The following GIT2 variants were observed in gnomAD, a reference collection of about 807,000 sequenced individuals.
GIT2 encodes GIT ArfGAP 2, also known as ARF GTPase-activating protein GIT2.
In GIT2, 32 loss-of-function variants were observed where a neutral mutation model predicts 100.3. That is an observed-to-expected ratio of 0.32 (90% CI 0.24 to 0.43). The LOEUF is 0.43. GIT2 is among the 20% of genes least tolerant of loss of function. The pLI, the probability that GIT2 is intolerant of heterozygous loss-of-function variation, is 1.00. For synonymous variants in GIT2, 353 were observed against 364.1 expected (o/e 0.97, Z 0.35); for missense variants, 737 against 975.1 (o/e 0.76, Z 3.25).
At chr12:109,985,866 A>G (rs1887280762) in intron 4 of GIT2, among the ~76,000 whole-genome samples, 1 of 72,818 alleles carries the variant, frequency 1.4e-5, no homozygotes, top group Admixed American at 1.2e-4. Flanking sequence ...CAAAAACAAA[A>G]CACACACACA....
chr12:109,983,807 A>T, intron 4 of GIT2, 113 bp from the exon 5 acceptor site: 2 of 674,612 alleles, frequency 3.0e-6, no homozygotes, highest in Admixed American at 2.7e-5. Flanking sequence ...CATAATCTTT[A>T]TTTGTCTCGG....
At chr12:109,972,849 G>T (rs749935389) in intron 7 of GIT2, among the ~76,000 whole-genome samples, 2 of 151,980 alleles carry the variant, frequency 1.3e-5, no homozygotes, top group African/African-American at 2.4e-5. Flanking sequence ...TTGAGACAGG[G>T]TCTCACTCTG....
upstream of GIT2, chr12:109,999,739 C>G: frequency 6.5e-7 from 1 of 1,536,016 alleles, no homozygotes; most frequent in Non-Finnish European, 8.8e-7. The surrounding 1 kb of genome is among the most constrained non-coding windows in gnomAD (Gnocchi z 4.3). Context: ...ACCTCCTAGT[C>G]TGGAAAAACG....
intron 7 of GIT2, among the ~76,000 whole-genome samples, chr12:109,970,978 G>A (rs1304469898): frequency 6.6e-6 from 1 of 152,120 alleles, no homozygotes; most frequent in Non-Finnish European, 1.5e-5. Flanking sequence ...TAGAGATGAG[G>A]TCTCACCATG....
chr12:109,948,723 T>C lies in GIT2; in HGVS notation c.1393-1219A>G, dbSNP rs1376651819. On this transcript the variant is annotated intron_variant, in intron 14 of 19. Transcript: ENST00000355312. This position sits in a 1 kb window ranked among gnomAD's most constrained non-coding sequence, Gnocchi z 4.3. ...TGTTTGCACCAGAAGATCATTACTT[T>C]TTCAGTAGCAAACCCATTCAATGTT... The C allele has an allele frequency of 1.3e-6, 2 of 1,503,874 alleles. No individual in the cohort carries two copies. Among genetic ancestry groups the C allele is most frequent in the Non-Finnish European group, 1.8e-6 (2 of 1,131,358 alleles). The allele number at this position is 1,503,874 out of a possible 1,614,324, so 93.2% of individuals were successfully genotyped here.
At chr12:109,941,848 C>G in intron 16 of GIT2, among the ~76,000 whole-genome samples, 1 of 149,432 alleles carries the variant, frequency 6.7e-6, no homozygotes, top group East Asian at 2.0e-4. Context: ...TTTTTTGAGA[C>G]AGGGTCTCAC....
At chr12:109,970,657 A>T (rs776558802) in intron 7 of GIT2, among the ~76,000 whole-genome samples, 5 of 152,242 alleles carry the variant, frequency 3.3e-5, no homozygotes, top group Non-Finnish European at 7.3e-5. Context: ...CTTCATAGAT[A>T]TCACAGTCTT....
Position 109,947,305 on chromosome 12 carries a change from G to T in GIT2, c.1592C>A (p.Ala531Glu). The change falls in exon 15 of 20, where the codon GCG (alanine) becomes GAG (glutamate). Residue 531 changes from alanine (A) to glutamate (E), a missense_variant. Coordinates refer to ENST00000355312, the MANE Select transcript of GIT2 (RefSeq NM_057169.5). The surrounding 1 kb of genome is among the most constrained non-coding windows in gnomAD (Gnocchi z 4.3). ...GQKPYLPMGE[A>E]SRPEESRMRL... ...CATCCTGCTCTCTTCGGGGCGGCTC[G>T]CTTCTCCCATTGGGAGATATGGTTT... 1 of 1,613,862 alleles carries T rather than the reference G, an allele frequency of 6.2e-7. No individual in the cohort carries two copies. The highest frequency in any genetic ancestry group is 8.5e-7 in the Non-Finnish European group (1 of 1,179,770).
intron 12 of GIT2, among the ~76,000 whole-genome samples, chr12:109,957,197 C>T (rs1003970003): frequency 4.6e-5 from 7 of 151,926 alleles, no homozygotes; most frequent in South Asian, 2.1e-4. Context: ...TGATCAATGC[C>T]CTCCCTTTGT....
chr12:109,994,359 T>A (rs1292260786), intron 1 of GIT2, among the ~76,000 whole-genome samples: 1 of 152,170 alleles, frequency 6.6e-6, no homozygotes, highest in Admixed American at 6.5e-5. Context: ...TCAAAAATGT[T>A]TGTGACTCCC....
At chr12:109,965,489 C>G (rs1177355025) in intron 9 of GIT2, 37 bp downstream of exon 9, 1 of 1,284,172 alleles carries the variant, frequency 7.8e-7, no homozygotes, top group Admixed American at 1.9e-5. Context: ...TGCACTGATT[C>G]TCATACTAGA....
chr12:109,991,464 TAC>T (rs1888386550), intron 2 of GIT2, among the ~76,000 whole-genome samples, 161 bp downstream of exon 2: 1 of 152,234 alleles, frequency 6.6e-6, no homozygotes, highest in Non-Finnish European at 1.5e-5. Flanking sequence ...CTGAATTCAA[TAC>T]AGATAATATT....
intron 7 of GIT2, among the ~76,000 whole-genome samples, chr12:109,967,777 G>C (rs974968516): frequency 6.6e-6 from 1 of 152,160 alleles, no homozygotes; most frequent in Admixed American, 6.6e-5. Flanking sequence ...TGTAACTGAC[G>C]ATCTTTGGCC....
At chr12:109,990,904 CA>C (rs1194053231) in intron 2 of GIT2, among the ~76,000 whole-genome samples, 1 of 152,166 alleles carries the variant, frequency 6.6e-6, no homozygotes, top group Non-Finnish European at 1.5e-5. Flanking sequence ...ATGCTGCTAT[CA>C]AAGCAGAAAA....
At chr12:109,966,603 G>A (rs1346845773) in intron 8 of GIT2, among the ~76,000 whole-genome samples, 2 of 151,360 alleles carry the variant, frequency 1.3e-5, no homozygotes, top group African/African-American at 2.4e-5. Flanking sequence ...CTTGAGTCCC[G>A]GAGTTTGCAA....
chr12:109,985,227 C>CA (rs1392379596), intron 4 of GIT2, among the ~76,000 whole-genome samples: 24 of 152,062 alleles, frequency 1.6e-4, no homozygotes, highest in African/African-American at 5.5e-4. Context: ...CTCAGCCTCC[C>CA]AAGTAGCTAG....
In GIT2 at chr12:109,962,085, G is replaced by A. The variant is rs1272894629; in HGVS notation, c.817-400C>T. Among the ~76,000 whole-genome samples the A allele has an allele frequency of 1.3e-5, 2 of 152,206 alleles. No homozygotes were observed. Among genetic ancestry groups the A allele is most frequent in the African/African-American group, 4.8e-5 (2 of 41,444 alleles). ...CTTGCAAAAACAGCCAGGCTCAGTG[G>A]TGCACACCTATAATCCCAGCACTTT... On this transcript the variant is annotated intron_variant, in intron 9 of 19. Coordinates refer to ENST00000355312, the MANE Select transcript of GIT2 (RefSeq NM_057169.5). The surrounding 1 kb of genome is among the most constrained non-coding windows in gnomAD (Gnocchi z 4.3).
At chr12:109,984,097 TCA>T (rs1411212092) in intron 4 of GIT2, among the ~76,000 whole-genome samples, 2 of 152,116 alleles carry the variant, frequency 1.3e-5, no homozygotes, top group Admixed American at 1.3e-4. Context: ...AATCTGAACC[TCA>T]CTTTCCTCAT....
At chr12:109,950,774 C>T in intron 14 of GIT2, 1 of 165,822 alleles carries the variant, frequency 6.0e-6, no homozygotes, top group Non-Finnish European at 1.3e-5. Context: ...AGGGTGGGAG[C>T]AGGGTTTGAA....
Sources: allele counts gnomAD v4.1 joint callset (sites outside exome capture counted in the v4.1 genomes callset), GRCh38; gene constraint gnomAD v4.1.1; non-coding constraint Gnocchi (gnomAD v3.1); transcripts MANE v1.5; gene names NCBI Gene and HGNC (gene_info 2026-07-23, HGNC 2026-07-21).